The following GNPTAB variants were observed in gnomAD, a reference collection of about 807,000 sequenced individuals.
GNPTAB encodes N-acetylglucosamine-1-phosphotransferase subunits alpha/beta.
In GNPTAB, 92 loss-of-function variants were observed where a neutral mutation model predicts 136.6. The ratio of observed to expected loss-of-function variants is 0.67; its 90% CI spans 0.57 to 0.80. The LOEUF (loss-of-function observed/expected upper bound fraction) is 0.80, where lower values mean the gene tolerates loss of function less well. Ranked by LOEUF, GNPTAB falls within the 30% of genes least tolerant of loss-of-function variation. GNPTAB has a pLI of 0.00. For missense variants in GNPTAB, 1,343 were observed against 1,501.8 expected (o/e 0.89, Z 1.75); for synonymous variants, 512 against 535.1 (o/e 0.96, Z 0.60).
intron 1 of GNPTAB, among the ~76,000 whole-genome samples, chr12:101,814,038 C>G (rs1384646192): frequency 1.3e-5 from 2 of 151,352 alleles, no homozygotes; most frequent in East Asian, 3.9e-4. Flanking sequence ...GAGATCGCAC[C>G]ACTGCACTCC....
In GNPTAB at chr12:101,761,359, A is replaced by G. The variant is rs1952991807; in HGVS notation, c.2916-13T>C. On this transcript the variant is annotated splice_polypyrimidine_tract_variant and intron_variant, in intron 14 of 20. Transcript: ENST00000299314. Reference sequence around the variant, plus strand: ...TTCTTCAGGGAACCTGTCCAAATATAACATATTACAAACTCTGGATATTCA... The same window carrying G: ...TTCTTCAGGGAACCTGTCCAAATATGACATATTACAAACTCTGGATATTCA... 1 of 1,607,420 alleles carries G rather than the reference A, an allele frequency of 6.2e-7. No homozygotes were observed. The highest frequency in any genetic ancestry group is 2.2e-5 in the East Asian group (1 of 44,868).
intron 1 of GNPTAB, among the ~76,000 whole-genome samples, chr12:101,809,254 T>C (rs1470099818): frequency 6.6e-6 from 1 of 152,174 alleles, no homozygotes; most frequent in Non-Finnish European, 1.5e-5. Flanking sequence ...GCACACCTAA[T>C]GGAATGGCTA....
At position 101,770,599 on chromosome 12, in the gene GNPTAB, T is replaced by C. The variant is rs766980401; in HGVS notation, c.934-14A>G. 6.2e-7 allele frequency: 1 copy of C among 1,601,154 alleles called. No homozygotes were observed. Among genetic ancestry groups the C allele is most frequent in the African/African-American group, 1.3e-5 (1 of 74,660 alleles). ...ATCCTGCTTAGACTGAGAAAAACAC[T>C]TGGCATATGAAGATGTGAAATACCC... is the stretch of plus-strand genomic sequence containing the variant. On this transcript the variant is annotated splice_polypyrimidine_tract_variant and intron_variant, in intron 8 of 20. Coordinates refer to ENST00000299314, the MANE Select transcript of GNPTAB (RefSeq NM_024312.5).
intron 1 of GNPTAB, among the ~76,000 whole-genome samples, chr12:101,805,928 A>G (rs1869911906): frequency 6.6e-6 from 1 of 152,242 alleles, no homozygotes; most frequent in Admixed American, 6.5e-5. Context: ...TTAGATCATT[A>G]AACATGATTT....
intron 1 of GNPTAB, among the ~76,000 whole-genome samples, chr12:101,799,857 T>C (rs1190110547): frequency 6.7e-6 from 1 of 148,970 alleles, no homozygotes; most frequent in African/African-American, 2.5e-5. Flanking sequence ...GCCTCTAGAT[T>C]TGGGGTGGGG....
At chr12:101,759,419 TAA>T (rs1214680072) in intron 16 of GNPTAB, among the ~76,000 whole-genome samples, 4 of 122,130 alleles carry the variant, frequency 3.3e-5, no homozygotes, top group Admixed American at 8.4e-5. Flanking sequence ...AAATAAAGCT[TAA>T]AAAAAAAAAA....
intron 18 of GNPTAB, 41 bp downstream of exon 18, chr12:101,757,171 G>A: frequency 9.4e-7 from 1 of 1,068,460 alleles, no homozygotes; most frequent in Non-Finnish European, 1.4e-6. Flanking sequence ...TTTTATTCAG[G>A]TTTATTTGCA....
chr12:101,796,557 A>G, intron 2 of GNPTAB, 120 bp downstream of exon 2: 1 of 739,110 alleles, frequency 1.4e-6, no homozygotes, highest in Admixed American at 2.0e-5. Flanking sequence ...CATACTCCTG[A>G]GTAAATTAAA....
At chr12:101,760,628 CATAAA>C (rs1430001766) in intron 15 of GNPTAB, among the ~76,000 whole-genome samples, 1 of 152,130 alleles carries the variant, frequency 6.6e-6, no homozygotes, top group Non-Finnish European at 1.5e-5. Flanking sequence ...AAAGTAATTT[CATAAA>C]ATACAAACCC....
chr12:101,766,582 G>A (rs1256267129), intron 11 of GNPTAB, among the ~76,000 whole-genome samples: 1 of 152,186 alleles, frequency 6.6e-6, no homozygotes, highest in Non-Finnish European at 1.5e-5. Flanking sequence ...AGGTTGCACT[G>A]AGCCAAGATT....
intron 8 of GNPTAB, among the ~76,000 whole-genome samples, 160 bp downstream of exon 8, chr12:101,770,836 T>G (rs541907313): frequency 6.6e-6 from 1 of 152,310 alleles, no homozygotes; most frequent in South Asian, 2.1e-4. Context: ...CTAGGTGACT[T>G]CAGTTAATAC....
chr12:101,761,171 G>A lies in GNPTAB; in HGVS notation c.3091C>T (p.Arg1031Ter), dbSNP rs281865009. 10 of 1,613,878 alleles carry A rather than the reference G, an allele frequency of 6.2e-6. No individual in the cohort carries two copies. The highest frequency in any genetic ancestry group is 2.2e-5 in the East Asian group (1 of 44,896). Residue 1031 changes from arginine (R) to a stop codon, truncating the protein, a stop_gained, in exon 15 of 21, where the codon CGA becomes TGA. Coordinates refer to ENST00000299314, the MANE Select transcript of GNPTAB (RefSeq NM_024312.5). LOFTEE classifies it high-confidence loss of function. ...QSGVLSDREI[R>*]TLATRIHELP... Reference sequence around the variant, plus strand: ...TCGTGAATTCTGGTAGCCAGTGTTCGGATTTCTCTGTCAGACAAGACACCA... The same window carrying A: ...TCGTGAATTCTGGTAGCCAGTGTTCAGATTTCTCTGTCAGACAAGACACCA...
At chr12:101,753,206 T>C (rs554355542) in intron 19 of GNPTAB, among the ~76,000 whole-genome samples, 166 bp downstream of exon 19, 5 of 151,512 alleles carry the variant, frequency 3.3e-5, no homozygotes, top group Admixed American at 2.6e-4. Context: ...TGAGCTGAGG[T>C]TGCGCCATTG....
At position 101,812,585 on chromosome 12, in the gene GNPTAB, C is replaced by CCA. The variant is rs202110102; in HGVS notation, c.118-15824_118-15823insTG. Among the ~76,000 whole-genome samples, 13 of 151,994 alleles carry CCA rather than the reference C, an allele frequency of 8.6e-5. No individual in the cohort carries two copies. In the East Asian group the frequency reaches 2.5e-3, roughly 30 times the overall value. ...AGCTTGGGCAACATGGTGAGAACCC[C>CCA]CCCATCTCTACAAAAAAATGTAAAA... On this transcript the variant is annotated intron_variant, in intron 1 of 20. Transcript: ENST00000299314.
In GNPTAB at chr12:101,770,147, A is replaced by G. The variant is rs1953149948; in HGVS notation, c.1158T>C (p.Pro386=). 1 of 1,614,088 alleles carries G rather than the reference A, an allele frequency of 6.2e-7. No individual in the cohort carries two copies. Among genetic ancestry groups the G allele is most frequent in the Non-Finnish European group, 8.5e-7 (1 of 1,180,016 alleles). The change falls in exon 10 of 21, where the codon CCT becomes CCC. Residue 386 remains proline (P), a synonymous_variant. Transcript: ENST00000299314. Reference sequence around the variant, plus strand: ...TGCGATGAATGTGACTTTCAATAGCAGGTGAACTAAAGGTAGGCAAGTGGC... The same window carrying G: ...TGCGATGAATGTGACTTTCAATAGCGGGTGAACTAAAGGTAGGCAAGTGGC... ...NLSHLPTFSS[P]AIESHIHRIE...
chr12:101,749,167 C>T lies in GNPTAB; in HGVS notation c.3627G>A (p.Lys1209=). The part of the protein sequence containing the change: ...QEWRAYRDKL[K]FWTHCVLATL... Reference sequence around the variant, plus strand: ...TTGCTAGTACACAATGGGTCCAAAACTTCAATTTGTCTCGATAAGCCCTCC... The same window carrying T: ...TTGCTAGTACACAATGGGTCCAAAATTTCAATTTGTCTCGATAAGCCCTCC... Residue 1209 remains lysine, a synonymous_variant, in exon 20 of 21, where the codon AAG becomes AAA. Coordinates refer to ENST00000299314, the MANE Select transcript of GNPTAB (RefSeq NM_024312.5). The T allele has an allele frequency of 6.2e-7, 1 of 1,611,788 alleles. No individual in the cohort carries two copies. Among genetic ancestry groups the T allele is most frequent in the Non-Finnish European group, 8.5e-7 (1 of 1,178,008 alleles).
At chr12:101,769,029 G>A (rs1333928184) in intron 10 of GNPTAB, among the ~76,000 whole-genome samples, 1 of 152,214 alleles carries the variant, frequency 6.6e-6, no homozygotes, top group Non-Finnish European at 1.5e-5. Context: ...TAGGGGAACA[G>A]GAGAATGGGC....
rs201636648 is a variant in GNPTAB, at chr12:101,747,159, A to G, written c.*5T>C. On this transcript the variant is annotated 3_prime_UTR_variant, in exon 21 of 21. Coordinates refer to ENST00000299314, the MANE Select transcript of GNPTAB (RefSeq NM_024312.5). Reference sequence around the variant, plus strand: ...TGAGGTAGATGGTTTTCAAATGAAGATCTTCTATACTCTGATTCGATTGGG... The same window carrying G: ...TGAGGTAGATGGTTTTCAAATGAAGGTCTTCTATACTCTGATTCGATTGGG... 5.2e-5 allele frequency: 79 copies of G among 1,514,374 alleles called. No individual in the cohort carries two copies. The South Asian group carries it at 8.4e-4, about 16-fold the overall frequency. The allele number at this position is 1,514,374 out of a possible 1,614,324, so 93.8% of individuals were successfully genotyped here. A position where few individuals can be genotyped will look rare whatever the true frequency, so the allele number is the denominator to read the frequency against.
At position 101,760,171 on chromosome 12, in the gene GNPTAB, T is replaced by C. The variant is rs763836411; in HGVS notation, c.3136-28A>G. On this transcript the variant is annotated intron_variant, in intron 15 of 20. Coordinates refer to ENST00000299314, the MANE Select transcript of GNPTAB (RefSeq NM_024312.5). ...AACAAAGAAAAAGATGATAAATCTGTTATGCGCATTGTAAGTAATGACTGT... is the reference window on the plus strand; with the variant it reads ...AACAAAGAAAAAGATGATAAATCTGCTATGCGCATTGTAAGTAATGACTGT... 5 of 1,312,140 alleles carry C rather than the reference T, an allele frequency of 3.8e-6. No individual in the cohort carries two copies. The Admixed American group carries it at 6.7e-5, about 18-fold the overall frequency. The allele number at this position is 1,312,140 out of a possible 1,614,324, so 81.3% of individuals were successfully genotyped here.
Sources: gnomAD v4.1 joint callset for allele counts (sites outside exome capture counted in the v4.1 genomes callset) on GRCh38, gnomAD v4.1.1 for gene constraint, MANE v1.5 for transcripts, NCBI Gene and HGNC (gene_info 2026-07-23, HGNC 2026-07-21) for gene names.